The following WWTR1 variants were observed in gnomAD, a reference collection of about 807,000 sequenced individuals.
WWTR1 encodes the protein WW domain-containing transcription regulator protein 1.
WWTR1 carries 13 observed loss-of-function variants against 40.1 expected under a neutral mutation model. The observed-to-expected ratio is 0.32, with a 90% CI of 0.21 to 0.52. WWTR1 has a LOEUF of 0.52. Among genes scored for constraint, WWTR1 ranks in the 20% least tolerant of loss-of-function variants. WWTR1 has a pLI of 0.97. For synonymous variants in WWTR1, 230 were observed against 210.1 expected, an observed-to-expected ratio of 1.09 and a Z score of -0.82; for missense variants, 436 against 523.1, an observed-to-expected ratio of 0.83 and a Z score of 1.63.
At position 149,620,270 on chromosome 3, in the gene WWTR1, G is replaced by A. The variant is rs151258688; in HGVS notation, c.431+36606C>T. 1.6e-4 allele frequency among the ~76,000 whole-genome samples: 25 copies of A among 152,204 alleles called. No homozygotes were observed. In the East Asian group the frequency reaches 4.0e-3, roughly 25 times the overall value. On this transcript the variant is annotated intron_variant, in intron 2 of 6. Transcript: ENST00000360632. ...AGATAAAGAACCCATAAAGGGAAGC[G>A]TGGCACACAGAGCATAAACAGAGGT...
intron 2 of WWTR1, among the ~76,000 whole-genome samples, chr3:149,588,646 C>G (rs1738551305): frequency 6.6e-6 from 1 of 152,070 alleles, no homozygotes; most frequent in South Asian, 2.1e-4. Flanking sequence ...GGGAAGTAGG[C>G]TTTATTCATA....
intron 1 of WWTR1, among the ~76,000 whole-genome samples, chr3:149,670,543 A>C (rs574624349): frequency 7.9e-5 from 12 of 151,484 alleles, no homozygotes; most frequent in African/African-American, 2.2e-4. Flanking sequence ...ACTCGGGAGG[A>C]TGAGGCAGGA....
chr3:149,682,050 C>T (rs983609126), intron 1 of WWTR1, among the ~76,000 whole-genome samples: 11 of 149,584 alleles, frequency 7.4e-5, no homozygotes, highest in Admixed American at 2.0e-4. Context: ...GTTCTTACTA[C>T]AGTAAAATAA....
chr3:149,647,906 G>A (rs558901815), intron 2 of WWTR1, among the ~76,000 whole-genome samples: 1 of 152,238 alleles, frequency 6.6e-6, no homozygotes, highest in Admixed American at 6.5e-5. Context: ...CCTAGCTGAG[G>A]CTCCAGAACC....
chr3:149,536,862 G>A (rs2107927151), intron 4 of WWTR1, among the ~76,000 whole-genome samples: 2 of 152,240 alleles, frequency 1.3e-5, no homozygotes, highest in Middle Eastern at 3.4e-3. Flanking sequence ...GGGACAAGGG[G>A]GAGCCAAGGC....
At chr3:149,653,994 G>T (rs1191444224) in intron 2 of WWTR1, among the ~76,000 whole-genome samples, 1 of 152,022 alleles carries the variant, frequency 6.6e-6, no homozygotes, top group Non-Finnish European at 1.5e-5. Flanking sequence ...TTCTGGCTGG[G>T]CATGGTAGCT....
In WWTR1 at chr3:149,542,092, A is replaced by C. The variant is rs1241411268; in HGVS notation, c.771+243T>G. 3.3e-5 allele frequency among the ~76,000 whole-genome samples: 5 copies of C among 152,206 alleles called. 1 individual carries two copies. The highest frequency in any genetic ancestry group is 3.3e-4 in the Admixed American group (5 of 15,284). ...CCTTTCTCTCCTTCTAAAGACTAGC[A>C]GTGGAAGCCAAAGGCAGCCATGCTA... On this transcript the variant is annotated intron_variant, in intron 4 of 6. Coordinates refer to ENST00000360632, the MANE Select transcript of WWTR1 (RefSeq NM_015472.6).
At chr3:149,568,667 A>T (rs2107990240) in intron 3 of WWTR1, among the ~76,000 whole-genome samples, 1 of 152,058 alleles carries the variant, frequency 6.6e-6, no homozygotes, top group South Asian at 2.1e-4. Context: ...TTACAAAGTC[A>T]CTCACTCCAG....
intron 3 of WWTR1, among the ~76,000 whole-genome samples, chr3:149,565,146 C>T (rs1737251096): frequency 6.6e-6 from 1 of 152,066 alleles, no homozygotes; most frequent in African/African-American, 2.4e-5. Flanking sequence ...GAGATCACAC[C>T]ACTGCGCTCC....
intron 1 of WWTR1, among the ~76,000 whole-genome samples, chr3:149,691,443 T>C (rs1714824755): frequency 6.7e-6 from 1 of 150,128 alleles, no homozygotes; most frequent in Non-Finnish European, 1.5e-5. Context: ...GAAAGAAGAC[T>C]CAGATAAATA....
intron 4 of WWTR1, among the ~76,000 whole-genome samples, chr3:149,539,541 G>C (rs1447139284): frequency 6.6e-6 from 1 of 152,178 alleles, no homozygotes; most frequent in East Asian, 1.9e-4. Flanking sequence ...ATTACAAACT[G>C]TCCACTGAGC....
chr3:149,584,461 C>T (rs76403863), intron 2 of WWTR1, among the ~76,000 whole-genome samples: 7,431 of 152,238 alleles, frequency 0.049, 267 homozygotes, highest in Non-Finnish European at 0.071. Context: ...GGAAAAAGGG[C>T]TGGCATGAAC....
intron 5 of WWTR1, among the ~76,000 whole-genome samples, chr3:149,708,399 A>C (rs1715387180): frequency 6.6e-6 from 1 of 152,214 alleles, no homozygotes; most frequent in Admixed American, 6.5e-5. Flanking sequence ...CACGTTGTAC[A>C]ACCAATCTTC....
Position 149,656,768 on chromosome 3 carries a change from C to CTCTT in WWTR1, c.431+107_431+108insAAGA, listed in dbSNP as rs1302817055. 9 of 714,410 alleles carry CTCTT rather than the reference C, an allele frequency of 1.3e-5. No individual in the cohort carries two copies. In the African/African-American group the frequency reaches 1.9e-4, roughly 15 times the overall value. 44.3% of individuals were successfully genotyped at this position (714,410 alleles called of 1,614,324 possible). ...GGACACGCACCATCTCTCTCTTTCT[C>CTCTT]TCTCTCTCTCTCTCTCTCTCTCTCA... On this transcript the variant is annotated intron_variant, in intron 2 of 6. Transcript: ENST00000360632.
intron 1 of WWTR1, among the ~76,000 whole-genome samples, chr3:149,691,260 C>T (rs893237812): frequency 6.6e-5 from 10 of 151,280 alleles, no homozygotes; most frequent in African/African-American, 2.4e-4. Context: ...CTTAAAAAAC[C>T]AGAAAGGCAA....
At chr3:149,622,565 G>A (rs1314451655) in intron 2 of WWTR1, among the ~76,000 whole-genome samples, 2 of 146,182 alleles carry the variant, frequency 1.4e-5, no homozygotes, top group African/African-American at 5.0e-5. Context: ...GCAAGTGAGC[G>A]TGCGTCCAGG....
chr3:149,661,013 C>T (rs1363198731), upstream of WWTR1: 1 of 152,204 alleles, frequency 6.6e-6, no homozygotes. Flanking sequence ...TTTGCCTTAA[C>T]CAGGAAAATG....
At chr3:149,635,088 C>G (rs149373075) in intron 2 of WWTR1, among the ~76,000 whole-genome samples, 1 of 152,228 alleles carries the variant, frequency 6.6e-6, no homozygotes, top group East Asian at 1.9e-4. Flanking sequence ...GGGGGCCCTG[C>G]TCTACCCTCT....
chr3:149,568,812 G>T (rs1239362510), intron 3 of WWTR1, among the ~76,000 whole-genome samples: 1 of 152,190 alleles, frequency 6.6e-6, no homozygotes, highest in Non-Finnish European at 1.5e-5. Context: ...TGTCGCCCAG[G>T]CTGGAGTGCA....
Sources: allele counts gnomAD v4.1 joint callset (sites outside exome capture counted in the v4.1 genomes callset), GRCh38; gene constraint gnomAD v4.1.1; transcripts MANE v1.5; gene names NCBI Gene and HGNC (gene_info 2026-07-23, HGNC 2026-07-21).